Variants in THADA observed in about 807,000 individuals in gnomAD.
THADA encodes the protein THADA armadillo repeat containing.
THADA carries 213 observed loss-of-function variants against 219.8 expected under a neutral mutation model. That is an observed-to-expected ratio of 0.97 (90% CI 0.87 to 1.09). The LOEUF (loss-of-function observed/expected upper bound fraction) is 1.09. Among genes scored for constraint, THADA ranks in the 50% least tolerant of loss-of-function variants. The pLI is 0.00. For synonymous variants in THADA, 1,018 were observed against 828.9 expected (o/e 1.23, Z -3.92); for missense variants, 2,956 against 2,311.3 (o/e 1.28, Z -5.72).
intron 20 of THADA, among the ~76,000 whole-genome samples, chr2:43,548,591 C>T (rs764718703): frequency 6.6e-6 from 1 of 152,128 alleles, no homozygotes; most frequent in African/African-American, 2.4e-5. Context: ...CCTCCCCCAG[C>T]CTCGATGCTG....
Position 43,485,216 on chromosome 2 carries a change from G to C in THADA, c.3836+18C>G. 6.3e-7 allele frequency: 1 copy of C among 1,578,858 alleles called. No homozygotes were observed. The highest frequency in any genetic ancestry group is 8.7e-7 in the Non-Finnish European group (1 of 1,153,494). On this transcript the variant is annotated intron_variant, in intron 26 of 37. Transcript: ENST00000405975. ...GTATTTTTTAAAAAAAGTAAAGTTA[G>C]CCTTAAATGGAGCTTACCTATTTGT...
intron 13 of THADA, 127 bp from the exon 14 acceptor site, chr2:43,570,637 T>G (rs1699189532): frequency 1.0e-6 from 1 of 962,042 alleles, no homozygotes; most frequent in Non-Finnish European, 1.4e-6. Flanking sequence ...TCTTAATATT[T>G]TATAATGTTT....
rs374125454 is a variant in THADA, at chr2:43,571,432, A to G, written c.2064+275T>C. On this transcript the variant is annotated intron_variant, in intron 13 of 37. Coordinates refer to ENST00000405975, the MANE Select transcript of THADA (RefSeq NM_022065.5). ...CAACCGGCTAATTTTTTTGTATTTTAGTAGAGATGGGGTTTGACTGTGTTG... is the reference window on the plus strand; with the variant it reads ...CAACCGGCTAATTTTTTTGTATTTTGGTAGAGATGGGGTTTGACTGTGTTG... 9.9e-5 allele frequency among the ~76,000 whole-genome samples: 15 copies of G among 151,750 alleles called. 1 individual carries two copies. The highest frequency in any genetic ancestry group is 3.6e-4 in the African/African-American group (15 of 41,384).
chr2:43,438,956 C>T (rs1458504186), intron 26 of THADA, among the ~76,000 whole-genome samples: 1 of 152,202 alleles, frequency 6.6e-6, no homozygotes, highest in Non-Finnish European at 1.5e-5. Flanking sequence ...ACTCATCCTA[C>T]TTCTTGTGAT....
intron 22 of THADA, among the ~76,000 whole-genome samples, chr2:43,525,408 T>C (rs2103712804): frequency 6.6e-6 from 1 of 152,258 alleles, no homozygotes; most frequent in African/African-American, 2.4e-5. Flanking sequence ...ATCAAAGGAA[T>C]GTGACTAAAG....
intron 26 of THADA, among the ~76,000 whole-genome samples, chr2:43,467,748 T>C (rs556593854): frequency 6.6e-6 from 1 of 152,184 alleles, no homozygotes; most frequent in South Asian, 2.1e-4. Flanking sequence ...TTGACAACAG[T>C]CTTAAAAATT....
intron 15 of THADA, chr2:43,565,260 A>C (rs936982518): frequency 6.6e-6 from 1 of 152,138 alleles, no homozygotes; most frequent in African/African-American, 2.4e-5. Flanking sequence ...CAACATGGTG[A>C]AACCCCGTCT....
chr2:43,267,627 C>T (rs571990381), intron 36 of THADA, among the ~76,000 whole-genome samples: 1 of 152,268 alleles, frequency 6.6e-6, no homozygotes, highest in South Asian at 2.1e-4. Flanking sequence ...CCAGGCTGGC[C>T]CTTCCCTCCT....
At chr2:43,485,901 G>C (rs984641382) in intron 25 of THADA, among the ~76,000 whole-genome samples, 17 of 150,364 alleles carry the variant, frequency 1.1e-4, no homozygotes, top group Admixed American at 1.1e-3. Flanking sequence ...AGATTTTTTT[G>C]TTTGTTTTGC....
At position 43,385,620 on chromosome 2, in the gene THADA, A is replaced by G. The variant is rs1032804932; in HGVS notation, c.4227+12351T>C. 7.3e-5 allele frequency among the ~76,000 whole-genome samples: 11 copies of G among 151,424 alleles called. No homozygotes were observed. The East Asian group carries it at 1.7e-3, about 24-fold the overall frequency. ...AGACTCCGTCTCAAAAAAAAAAAAAAAAAAAAAAAAGAAGAAGGGGCAAGC... is the reference window on the plus strand; with the variant it reads ...AGACTCCGTCTCAAAAAAAAAAAAAGAAAAAAAAAAGAAGAAGGGGCAAGC... On this transcript the variant is annotated intron_variant, in intron 29 of 37. Transcript: ENST00000405975.
chr2:43,253,264 G>A (rs541763943), intron 36 of THADA, among the ~76,000 whole-genome samples: 10 of 152,320 alleles, frequency 6.6e-5, no homozygotes, highest in South Asian at 4.1e-4. Flanking sequence ...GAGGTCATGG[G>A]GGAGGTATAA....
intron 26 of THADA, among the ~76,000 whole-genome samples, chr2:43,468,185 A>G (rs1213247098): frequency 6.6e-6 from 1 of 152,242 alleles, no homozygotes; most frequent in Non-Finnish European, 1.5e-5. Context: ...CTAAACATGA[A>G]TCATTGTTTC....
At chr2:43,572,726 C>T (rs1699430190) in intron 12 of THADA, 88 bp downstream of exon 12, 1 of 1,235,120 alleles carries the variant, frequency 8.1e-7, no homozygotes, top group African/African-American at 1.5e-5. Context: ...TAAAACAGTT[C>T]AGGATACAAT....
In THADA at chr2:43,231,091, G is replaced by T; in HGVS notation, c.5719C>A (p.Gln1907Lys). 6.2e-7 allele frequency: 1 copy of T among 1,613,918 alleles called. No individual in the cohort carries two copies. The highest frequency in any genetic ancestry group is 8.5e-7 in the Non-Finnish European group (1 of 1,179,868). The change falls in exon 38 of 38, where the codon CAA becomes AAA. Residue 1907 changes from glutamine to lysine, a missense_variant. By Grantham distance (53) the Gln-to-Lys change is moderately conservative (BLOSUM62 1). Coordinates refer to ENST00000405975, the MANE Select transcript of THADA (RefSeq NM_022065.5). ...AAGCAAGCCAAAGTCCTTTCCTCTT[G>T]AATGCGTAGTCTTGTGAACTCCACT... ...KTVEFTRLRI[Q>K]EERTLACLRL... is the part of the protein sequence containing the mutation.
chr2:43,275,682 C>T (rs886843862), intron 36 of THADA, among the ~76,000 whole-genome samples: 5 of 152,230 alleles, frequency 3.3e-5, no homozygotes, highest in Non-Finnish European at 7.3e-5. Context: ...TCAGGTATCC[C>T]TGGCTTGTAG....
chr2:43,426,006 G>A (rs1411714457), intron 28 of THADA, among the ~76,000 whole-genome samples: 5 of 152,160 alleles, frequency 3.3e-5, no homozygotes, highest in Non-Finnish European at 5.9e-5. Context: ...CTTACTTACT[G>A]GAAGAAAGCA....
At chr2:43,272,005 A>C (rs1672178454) in intron 36 of THADA, among the ~76,000 whole-genome samples, 1 of 152,208 alleles carries the variant, frequency 6.6e-6, no homozygotes, top group South Asian at 2.1e-4. Context: ...AATGATAGCA[A>C]ATAACTGGGT....
Position 43,293,161 on chromosome 2 carries a change from T to A in THADA, c.4491A>T (p.Ser1497=), listed in dbSNP as rs1674949754. 1 of 1,613,852 alleles carries A rather than the reference T, an allele frequency of 6.2e-7. No individual in the cohort carries two copies. The highest frequency in any genetic ancestry group is 8.5e-7 in the Non-Finnish European group (1 of 1,179,888). The part of the protein sequence containing the change: ...WEEVRGIISG[S]ELITGFPWAF... ...CCCAAGGGAATCCCGTTATCAGCTCTGATCCTGAGATAATCCCTCTGACTT... is the reference window on the plus strand; with the variant it reads ...CCCAAGGGAATCCCGTTATCAGCTCAGATCCTGAGATAATCCCTCTGACTT... The change falls in exon 32 of 38, where the codon TCA becomes TCT. Residue 1497 remains serine (S), a synonymous_variant. Coordinates refer to ENST00000405975, the MANE Select transcript of THADA (RefSeq NM_022065.5).
intron 31 of THADA, among the ~76,000 whole-genome samples, chr2:43,308,467 G>A (rs1677104820): frequency 6.6e-6 from 1 of 152,108 alleles, no homozygotes; most frequent in South Asian, 2.1e-4. Flanking sequence ...CACTTTGGGA[G>A]GCCACGATAG....
Sources: gnomAD v4.1 joint callset for allele counts (sites outside exome capture counted in the v4.1 genomes callset) on GRCh38, gnomAD v4.1.1 for gene constraint, MANE v1.5 for transcripts, NCBI Gene and HGNC (gene_info 2026-07-23, HGNC 2026-07-21) for gene names.